CLTCL1: variants seen among roughly 807,000 people sequenced by gnomAD.
CLTCL1 encodes clathrin heavy chain like 1, also known as clathrin heavy chain 2.
A neutral mutation model predicts 190.0 loss-of-function variants in CLTCL1; 159 were observed. The ratio of observed to expected loss-of-function variants is 0.84; its 90% CI spans 0.74 to 0.95. CLTCL1 has a LOEUF of 0.95. CLTCL1 is among the 40% of genes least tolerant of loss of function. The pLI is 0.00. For synonymous variants in CLTCL1, 752 were observed against 769.6 expected (o/e 0.98, Z 0.38); for missense variants, 1,878 against 2,033.4 (o/e 0.92, Z 1.47).
rs2084084549 is a variant in CLTCL1, at chr22:19,180,241, A to C, written c.4904-3T>G. The C allele has an allele frequency of 6.2e-7, 1 of 1,613,376 alleles. No homozygotes were observed. Among genetic ancestry groups the C allele is most frequent in the Non-Finnish European group, 8.5e-7 (1 of 1,179,540 alleles). On this transcript the variant is annotated splice_region_variant and splice_polypyrimidine_tract_variant and intron_variant, in intron 31 of 32. Coordinates refer to ENST00000427926, the MANE Select transcript of CLTCL1 (RefSeq NM_007098.4). ...GTCTCATTCATGCCCATCAAAATCT[A>C]AAAAAACCAGAATGACATTAATGGT... is the stretch of plus-strand genomic sequence containing the variant.
At chr22:19,272,297 A>G (rs889062800) in intron 2 of CLTCL1, among the ~76,000 whole-genome samples, 5 of 152,194 alleles carry the variant, frequency 3.3e-5, no homozygotes, top group African/African-American at 9.6e-5. Context: ...GTCAGCAAAG[A>G]AAGTATGAAC....
intron 2 of CLTCL1, chr22:19,258,555 T>TCGGAGCTGGCA (rs1231188126): frequency 5.1e-6 from 3 of 583,872 alleles, no homozygotes; most frequent in Non-Finnish European, 9.6e-6. Context: ...GTACCTGGAG[T>TCGGAGCTGGCA]CGGAGCTGGC....
intron 10 of CLTCL1, 43 bp downstream of exon 10, chr22:19,232,433 T>A (rs1555959477): frequency 6.2e-7 from 1 of 1,612,508 alleles, no homozygotes; most frequent in East Asian, 2.2e-5. Flanking sequence ...TCTAGATGGC[T>A]CTAAAAAGCC....
Position 19,233,572 on chromosome 22 carries a change from A to T in CLTCL1, c.1218T>A (p.Ala406=). 6.2e-7 allele frequency: 1 copy of T among 1,613,726 alleles called. No individual in the cohort carries two copies. Residue 406 remains alanine (A), a synonymous_variant, in exon 8 of 33, where the codon GCT becomes GCA. Transcript: ENST00000427926. ...GCAATGGAGAAGCCTGGCCAGACTG[A>T]GCGGGTATACTCTGGAATTTCTGGA... is the stretch of plus-strand genomic sequence containing the variant. The part of the protein sequence containing the change: ...ETVQKFQSIP[A]QSGQASPLLQ...
chr22:19,239,614 T>C (rs1439956714), intron 4 of CLTCL1, among the ~76,000 whole-genome samples: 1 of 152,246 alleles, frequency 6.6e-6, no homozygotes, highest in Non-Finnish European at 1.5e-5. Flanking sequence ...CCAGGCAGCC[T>C]GGAGCCTCAG....
intron 1 of CLTCL1, among the ~76,000 whole-genome samples, chr22:19,283,994 A>G (rs77583752): frequency 6.7e-6 from 1 of 150,206 alleles, no homozygotes; most frequent in African/African-American, 2.4e-5. Flanking sequence ...CCTGTCTCAA[A>G]AAAAAAAAAA....
chr22:19,284,518 G>T (rs1299274278), intron 1 of CLTCL1, among the ~76,000 whole-genome samples: 1 of 151,962 alleles, frequency 6.6e-6, no homozygotes, highest in African/African-American at 2.4e-5. Flanking sequence ...AAATCAGCTG[G>T]GTGTGGTGGC....
chr22:19,276,788 G>C (rs1441263427), intron 1 of CLTCL1, among the ~76,000 whole-genome samples: 2 of 152,132 alleles, frequency 1.3e-5, no homozygotes, highest in African/African-American at 4.8e-5. Context: ...TCCTGCCTCA[G>C]CCTCCCAAGT....
chr22:19,183,288 G>T, intron 30 of CLTCL1, 102 bp downstream of exon 30: 1 of 944,652 alleles, frequency 1.1e-6, no homozygotes, highest in Non-Finnish European at 1.6e-6. Context: ...AATCTGGGTT[G>T]GCCTCAAAGG....
chr22:19,188,606 TTC>T (rs1457445645), intron 27 of CLTCL1, among the ~76,000 whole-genome samples: 1 of 149,628 alleles, frequency 6.7e-6, no homozygotes, highest in Admixed American at 6.7e-5. Context: ...CTGTGGCAAT[TTC>T]TTTTTCTTTT....
intron 2 of CLTCL1, among the ~76,000 whole-genome samples, chr22:19,270,857 G>A (rs1319661759): frequency 1.3e-5 from 2 of 151,390 alleles, no homozygotes; most frequent in African/African-American, 4.9e-5. Context: ...CAGGATGGGG[G>A]TACCTTTTAG....
intron 3 of CLTCL1, among the ~76,000 whole-genome samples, chr22:19,248,026 G>T (rs1418202676): frequency 6.6e-6 from 1 of 151,790 alleles, no homozygotes; most frequent in Non-Finnish European, 1.5e-5. Context: ...GCTGGGCATG[G>T]TGGCTCACAC....
At chr22:19,264,262 AT>A (rs1244740067) in intron 2 of CLTCL1, among the ~76,000 whole-genome samples, 311 of 150,974 alleles carry the variant, frequency 2.1e-3, no homozygotes, top group African/African-American at 7.0e-3. Flanking sequence ...AAAAAAAAAA[AT>A]GGCTACCATT....
intron 15 of CLTCL1, 78 bp from the exon 16 acceptor site, chr22:19,222,171 T>C: frequency 6.7e-7 from 1 of 1,501,032 alleles, no homozygotes; most frequent in Non-Finnish European, 9.2e-7. Flanking sequence ...CGTGGACAGT[T>C]TGGGCAAAAC....
Position 19,196,573 on chromosome 22 carries a change from C to T in CLTCL1, c.3957G>A (p.Glu1319=), listed in dbSNP as rs781901074. 6 of 1,613,898 alleles carry T rather than the reference C, an allele frequency of 3.7e-6. No individual in the cohort carries two copies. The highest frequency in any genetic ancestry group is 5.1e-6 in the Non-Finnish European group (6 of 1,179,834). Residue 1319 remains glutamate (E), a synonymous_variant, in exon 25 of 33, where the codon GAG becomes GAA. Coordinates refer to ENST00000427926, the MANE Select transcript of CLTCL1 (RefSeq NM_007098.4). ...LERAHMGMFT[E]LAILYSKFKP... ...TGAATTTGGAGTAGAGGATGGCCAG[C>T]TCAGTGAACATGCCCATGTGGGCCC...
intron 3 of CLTCL1, among the ~76,000 whole-genome samples, chr22:19,247,867 G>A (rs781890576): frequency 4.0e-5 from 6 of 151,692 alleles, no homozygotes; most frequent in Non-Finnish European, 8.8e-5. Context: ...GGCCCCCAAG[G>A]GTATTTTTAA....
intron 26 of CLTCL1, among the ~76,000 whole-genome samples, chr22:19,192,244 T>A (rs1406764839): frequency 6.6e-6 from 1 of 152,010 alleles, no homozygotes; most frequent in Non-Finnish European, 1.5e-5. Context: ...TTTTTGTATT[T>A]TTAGTAGAGC....
chr22:19,288,616 C>T (rs1555991500), intron 1 of CLTCL1, among the ~76,000 whole-genome samples: 1 of 152,258 alleles, frequency 6.6e-6, no homozygotes, highest in African/African-American at 2.4e-5. Flanking sequence ...AGTCCACATT[C>T]AGTGCCTTCA....
At chr22:19,196,160 T>C in intron 26 of CLTCL1, 106 bp downstream of exon 26, 1 of 1,152,554 alleles carries the variant, frequency 8.7e-7, no homozygotes, top group Non-Finnish European at 1.2e-6. Context: ...ACACACAGCA[T>C]GGGGGCATGC....
Sources: gnomAD v4.1 joint callset for allele counts (sites outside exome capture counted in the v4.1 genomes callset) on GRCh38, gnomAD v4.1.1 for gene constraint, MANE v1.5 for transcripts, NCBI Gene and HGNC (gene_info 2026-07-23, HGNC 2026-07-21) for gene names.